SLC25A10: variants seen among roughly 807,000 people sequenced by gnomAD.
The protein encoded by SLC25A10 is mitochondrial dicarboxylate carrier.
In SLC25A10, 32 loss-of-function variants were observed where a neutral mutation model predicts 40.4. The ratio of observed to expected loss-of-function variants is 0.79; its 90% CI spans 0.60 to 1.06. The LOEUF is 1.06. Among genes scored for constraint, SLC25A10 ranks in the 50% least tolerant of loss-of-function variants. The pLI, the probability that SLC25A10 is intolerant of heterozygous loss-of-function variation, is 0.00. For missense variants in SLC25A10, 394 were observed against 402.6 expected, an observed-to-expected ratio of 0.98 and a Z score of 0.18; for synonymous variants, 181 against 171.1, an observed-to-expected ratio of 1.06 and a Z score of -0.45.
Position 81,720,291 on chromosome 17 carries a change from G to T in SLC25A10, c.*214G>T. The T allele has an allele frequency of 4.2e-6, 6 of 1,436,268 alleles. No homozygotes were observed. Among genetic ancestry groups the T allele is most frequent in the Non-Finnish European group, 5.5e-6 (6 of 1,100,662 alleles). 89.0% of individuals were successfully genotyped at this position (1,436,268 alleles called of 1,614,324 possible). A position where few individuals can be genotyped will look rare whatever the true frequency, so the allele number is the denominator to read the frequency against. On this transcript the variant is annotated 3_prime_UTR_variant, in exon 11 of 11. Coordinates refer to ENST00000350690, the MANE Select transcript of SLC25A10 (RefSeq NM_012140.5). ...TGCACCACCCCCGCTCTGGCTACCA[G>T]GCTCTCCCGGCTGGGCACTGCGTGG...
chr17:81,712,897 G>A (rs533688564), intron 1 of SLC25A10, among the ~76,000 whole-genome samples: 40 of 152,362 alleles, frequency 2.6e-4, no homozygotes, highest in Middle Eastern at 3.4e-3. Flanking sequence ...GTTGTGGGGG[G>A]AGTTCTGTGA....
intron 5 of SLC25A10, chr17:81,716,540 G>C (rs961609190): frequency 1.7e-6 from 1 of 573,432 alleles, no homozygotes; most frequent in African/African-American, 1.9e-5. Flanking sequence ...AGGACCCCGG[G>C]GGCTGGCGGG....
intron 9 of SLC25A10, among the ~76,000 whole-genome samples, chr17:81,719,377 C>A (rs2037547033): frequency 6.6e-6 from 1 of 152,230 alleles, no homozygotes; most frequent in South Asian, 2.1e-4. Flanking sequence ...AAAAACATTT[C>A]TTTCACAGAT....
intron 3 of SLC25A10, 50 bp from the exon 4 acceptor site, chr17:81,715,643 A>G (rs929816964): frequency 1.9e-6 from 3 of 1,612,706 alleles, no homozygotes; most frequent in Non-Finnish European, 2.5e-6. Context: ...AGGTCGGCCG[A>G]GGACGCCGTG....
chr17:81,716,640 G>A (rs750974855), intron 5 of SLC25A10, 172 bp from the exon 6 acceptor site: 46 of 648,640 alleles, frequency 7.1e-5, no homozygotes, highest in Non-Finnish European at 1.1e-4. Context: ...CGGGGCGGGC[G>A]AGGTGGCTGT....
At position 81,719,870 on chromosome 17, in the gene SLC25A10, C is replaced by A. The variant is rs1398499772; in HGVS notation, c.745C>A (p.Pro249Thr). The change falls in exon 10 of 11, where the codon CCT (proline) becomes ACT (threonine). Residue 249 changes from proline to threonine, a missense_variant. Physicochemically the swap from Pro to Thr is conservative, Grantham distance 38 (BLOSUM62 -1). Transcript: ENST00000350690. ...CGCCGTGGAGACAGCGAAGCTCGGG[C>A]CTCTGGCCTTTTACAAGGTGCAGTG... is the stretch of plus-strand genomic sequence containing the variant. The part of the protein sequence containing the change: ...HCAVETAKLG[P>T]LAFYKGLVPA... The A allele has an allele frequency of 6.2e-7, 1 of 1,613,772 alleles. No homozygotes were observed. The highest frequency in any genetic ancestry group is 8.5e-7 in the Non-Finnish European group (1 of 1,180,012).
intron 2 of SLC25A10, 130 bp downstream of exon 2, chr17:81,715,202 C>T (rs2037459857): frequency 7.3e-7 from 1 of 1,372,426 alleles, no homozygotes; most frequent in Non-Finnish European, 9.8e-7. Flanking sequence ...CTGGTGACCC[C>T]AGGGTGCGCC....
chr17:81,718,292 T>G (rs564133853), intron 9 of SLC25A10, among the ~76,000 whole-genome samples: 1 of 152,248 alleles, frequency 6.6e-6, no homozygotes, highest in African/African-American at 2.4e-5. Context: ...AAGACCAGCC[T>G]GGCCAACATG....
chr17:81,715,982 C>T (rs768185258), intron 4 of SLC25A10, 27 bp from the exon 5 acceptor site: 25 of 1,564,246 alleles, frequency 1.6e-5, no homozygotes, highest in Middle Eastern at 1.7e-4. Context: ...GCCCGCCCGC[C>T]CCTCCCGCCA....
rs1313611862 is a variant in SLC25A10, at chr17:81,712,307, C to T, written c.-120C>T. Reference sequence around the variant, plus strand: ...GCGCATTGGCTGTGCGGGGTGCGGGCGCGCGGGCGGCGCTTTGAACCGGGC... The same window carrying T: ...GCGCATTGGCTGTGCGGGGTGCGGGTGCGCGGGCGGCGCTTTGAACCGGGC... On this transcript the variant is annotated 5_prime_UTR_variant, in exon 1 of 11. Coordinates refer to ENST00000350690, the MANE Select transcript of SLC25A10 (RefSeq NM_012140.5). 5.7e-6 allele frequency: 3 copies of T among 523,704 alleles called. No homozygotes were observed. The highest frequency in any genetic ancestry group is 2.1e-5 in the African/African-American group (1 of 48,644). 32.4% of individuals were successfully genotyped at this position (523,704 alleles called of 1,614,324 possible). A position where few individuals can be genotyped will look rare whatever the true frequency, so the allele number is the denominator to read the frequency against.
Position 81,720,892 on chromosome 17 carries a change from A to T in SLC25A10, c.*815A>T, listed in dbSNP as rs886997870. The T allele has an allele frequency of 1.1e-5, 2 of 173,968 alleles. No individual in the cohort carries two copies. Among genetic ancestry groups the T allele is most frequent in the Non-Finnish European group, 2.4e-5 (2 of 82,996 alleles). The allele number at this position is 173,968 out of a possible 1,614,324, so 10.8% of individuals were successfully genotyped here. A position where few individuals can be genotyped will look rare whatever the true frequency, so the allele number is the denominator to read the frequency against. ...GTTCCTCCTTAGGGCCTTCTCCCCG[A>T]CAAGGAGTCCGACGGGGCGGATGCT... On this transcript the variant is annotated 3_prime_UTR_variant, in exon 11 of 11. Transcript: ENST00000350690.
intron 10 of SLC25A10, 25 bp downstream of exon 10, chr17:81,719,912 C>T (rs891521742): frequency 6.2e-7 from 1 of 1,613,610 alleles, no homozygotes; most frequent in African/African-American, 1.3e-5. Context: ...GCAGTGGCGG[C>T]TTGGGCAATG....
At chr17:81,717,729 C>A (rs374060587) in intron 8 of SLC25A10, 55 bp from the exon 9 acceptor site, 1 of 1,573,860 alleles carries the variant, frequency 6.4e-7, no homozygotes, top group African/African-American at 1.4e-5. Flanking sequence ...GGGTGGGATT[C>A]GGCGATGGTG....
chr17:81,715,564 C>G lies in SLC25A10; in HGVS notation c.300C>G (p.His100Gln), dbSNP rs545081924. The G allele has an allele frequency of 1.1e-5, 18 of 1,612,700 alleles. No individual in the cohort carries two copies. The East Asian group carries it at 3.8e-4, about 34-fold the overall frequency. ...GCAGCCAGGGGCCTCTCCCCTTCCA[C>G]GAGAAGGTGTTGCTGGGCTCCGTCA... ...AKGSQGPLPF[H>Q]EKVLLGSVSG... Residue 100 changes from histidine (H) to glutamine (Q), a missense_variant, in exon 3 of 11, where the codon CAC (histidine) becomes CAG (glutamine). Physicochemically the swap from His to Gln is conservative, Grantham distance 24 (BLOSUM62 0). Transcript: ENST00000350690.
At chr17:81,712,592 C>A in intron 1 of SLC25A10, 73 bp downstream of exon 1, 3 of 1,070,518 alleles carry the variant, frequency 2.8e-6, no homozygotes, top group South Asian at 9.0e-5. Flanking sequence ...GGCAGCAGCC[C>A]GGCCCCACGC....
chr17:81,716,460 T>C (rs948727968), intron 5 of SLC25A10, among the ~76,000 whole-genome samples: 7 of 152,114 alleles, frequency 4.6e-5, no homozygotes, highest in African/African-American at 1.4e-4. Context: ...TGTGAGCCAC[T>C]TCCCCCGCCC....
chr17:81,718,345 T>C (rs1315272416), intron 9 of SLC25A10, among the ~76,000 whole-genome samples: 1 of 151,362 alleles, frequency 6.6e-6, no homozygotes, highest in Non-Finnish European at 1.5e-5. Context: ...ATTGGCTGGG[T>C]GTGGTGGCGT....
At chr17:81,714,176 G>A (rs1476630404) in intron 1 of SLC25A10, among the ~76,000 whole-genome samples, 1 of 152,236 alleles carries the variant, frequency 6.6e-6, no homozygotes, top group Non-Finnish European at 1.5e-5. Flanking sequence ...ACACTGAGCG[G>A]CGGAAGGACT....
At chr17:81,713,712 G>A (rs2037426575) in intron 1 of SLC25A10, among the ~76,000 whole-genome samples, 1 of 152,220 alleles carries the variant, frequency 6.6e-6, no homozygotes, top group Admixed American at 6.5e-5. Flanking sequence ...CCCTCCCCCA[G>A]GGCCTCTCCC....
Sources: gnomAD v4.1 joint callset for allele counts (sites outside exome capture counted in the v4.1 genomes callset) on GRCh38, gnomAD v4.1.1 for gene constraint, MANE v1.5 for transcripts, NCBI Gene and HGNC (gene_info 2026-07-23, HGNC 2026-07-21) for gene names.